Variants in CPNE9 observed in about 807,000 individuals in gnomAD.
CPNE9 encodes the protein copine-9.
A neutral mutation model predicts 83.0 loss-of-function variants in CPNE9; 59 were observed. That is an observed-to-expected ratio of 0.71 (90% CI 0.58 to 0.88). The LOEUF is 0.88. Among genes scored for constraint, CPNE9 ranks in the 40% least tolerant of loss-of-function variants. The pLI, the probability that CPNE9 is intolerant of heterozygous loss-of-function variation, is 0.00. For synonymous variants in CPNE9, 256 were observed against 273.4 expected, an observed-to-expected ratio of 0.94 and a Z score of 0.63; for missense variants, 619 against 720.8, an observed-to-expected ratio of 0.86 and a Z score of 1.62.
chr3:9,724,756 C>G (rs1421542210), intron 17 of CPNE9, among the ~76,000 whole-genome samples: 4 of 151,260 alleles, frequency 2.6e-5, no homozygotes, highest in East Asian at 1.9e-4. Context: ...ATCTATCTAT[C>G]TATCTATCTA....
At chr3:9,722,160 A>ACCCCCCCCCC (rs60666913) in intron 17 of CPNE9, among the ~76,000 whole-genome samples, 1 of 132,036 alleles carries the variant, frequency 7.6e-6, no homozygotes, top group Non-Finnish European at 1.6e-5. Context: ...CAGGTGATCC[A>ACCCCCCCCCC]CCCCCCCCCG....
In CPNE9 at chr3:9,715,543, G is replaced by A. The variant is rs1559640954; in HGVS notation, c.822+17G>A. On this transcript the variant is annotated intron_variant, in intron 13 of 20. Coordinates refer to ENST00000383832, the MANE Select transcript of CPNE9 (RefSeq NM_153635.3). ...TCAGGAACTGTGAGTGCTCCCTAGA[G>A]CCGTGGCCCTCCCTGGATCCTTCCG... The A allele has an allele frequency of 1.2e-6, 2 of 1,608,966 alleles. No individual in the cohort carries two copies. Among genetic ancestry groups the A allele is most frequent in the Non-Finnish European group, 1.7e-6 (2 of 1,175,476 alleles).
intron 20 of CPNE9, 102 bp from the exon 21 acceptor site, chr3:9,729,405 T>C (rs1374430915): frequency 1.4e-6 from 2 of 1,460,626 alleles, no homozygotes; most frequent in Non-Finnish European, 1.8e-6. Flanking sequence ...ACTGTGATAG[T>C]TGGAAAGAGA....
intron 17 of CPNE9, among the ~76,000 whole-genome samples, chr3:9,719,802 G>C (rs2076718445): frequency 6.6e-6 from 1 of 151,928 alleles, no homozygotes; most frequent in South Asian, 2.1e-4. Flanking sequence ...GACCAGCCTG[G>C]CCAAGATGGT....
rs1199086221 is a variant in CPNE9, at chr3:9,725,936, G to C, written c.1242-13G>C. The stretch of plus-strand genomic sequence containing the variant: ...TGGCTTTCAGCTGGATTCTCATTTG[G>C]CCTCTCATCCAGGGCTGCAGCCAAG... On this transcript the variant is annotated splice_polypyrimidine_tract_variant and intron_variant, in intron 17 of 20. Transcript: ENST00000383832. The C allele has an allele frequency of 6.3e-7, 1 of 1,598,834 alleles. No homozygotes were observed. Among genetic ancestry groups the C allele is most frequent in the Non-Finnish European group, 8.6e-7 (1 of 1,166,526 alleles).
chr3:9,713,068 A>T lies in CPNE9; in HGVS notation c.639A>T (p.Gly213=). The T allele has an allele frequency of 6.2e-7, 1 of 1,613,614 alleles. No homozygotes were observed. The highest frequency in any genetic ancestry group is 8.5e-7 in the Non-Finnish European group (1 of 1,179,552). Residue 213 remains glycine (G), a synonymous_variant, in exon 10 of 21, where the codon GGA becomes GGT. Coordinates refer to ENST00000383832, the MANE Select transcript of CPNE9 (RefSeq NM_153635.3). ...FSIPVRALCN[G]DYDRTVKIDV... is the part of the protein sequence containing the mutation. ...TCCCTGTGCGGGCTCTGTGCAATGG[A>T]GACTATGACAGGTTGGCTCCAGCAT...
intron 20 of CPNE9, among the ~76,000 whole-genome samples, chr3:9,729,076 A>G (rs1280096256): frequency 6.6e-6 from 1 of 152,170 alleles, no homozygotes; most frequent in African/African-American, 2.4e-5. Context: ...ACCCAGAGGA[A>G]TGGTGGTGGG....
At chr3:9,709,296 A>G (rs541091808) in intron 7 of CPNE9, among the ~76,000 whole-genome samples, 70 of 150,780 alleles carry the variant, frequency 4.6e-4, no homozygotes, top group African/African-American at 1.6e-3. Flanking sequence ...AAACAAAGAA[A>G]AAAGAAAGAA....
intron 15 of CPNE9, 60 bp downstream of exon 15, chr3:9,717,164 G>C: frequency 6.3e-7 from 1 of 1,578,522 alleles, no homozygotes; most frequent in African/African-American, 1.3e-5. Context: ...GGAGTCATTA[G>C]GAGTTGGCCT....
Position 9,718,178 on chromosome 3 carries a change from C to T in CPNE9, c.1081C>T (p.Pro361Ser). The T allele has an allele frequency of 6.2e-7, 1 of 1,613,522 alleles. No individual in the cohort carries two copies. The highest frequency in any genetic ancestry group is 8.5e-7 in the Non-Finnish European group (1 of 1,179,614). Residue 361 changes from proline (P) to serine (S), a missense_variant, in exon 16 of 21, where the codon CCA (proline) becomes TCA (serine). By Grantham distance (74) the Pro-to-Ser change is moderately conservative. Coordinates refer to ENST00000383832, the MANE Select transcript of CPNE9 (RefSeq NM_153635.3). ...PAYGFGAKLP[P>S]EGRISHQFPL... ...TTATGGCTTTGGGGCCAAGCTGCCC[C>T]CAGAGGGACGGATCTCCCACCAGTT...
At chr3:9,709,405 C>T (rs1416859342) in intron 7 of CPNE9, among the ~76,000 whole-genome samples, 1 of 147,724 alleles carries the variant, frequency 6.8e-6, no homozygotes, top group African/African-American at 2.5e-5. Context: ...ACTCTGTCGC[C>T]CAGGCTGGAG....
At position 9,715,472 on chromosome 3, in the gene CPNE9, G is replaced by A. The variant is rs2076673933; in HGVS notation, c.769-1G>A. On this transcript the variant is annotated splice_acceptor_variant, in intron 12 of 20. Coordinates refer to ENST00000383832, the MANE Select transcript of CPNE9 (RefSeq NM_153635.3). LOFTEE classifies it high-confidence loss of function. Reference sequence around the variant, plus strand: ...TCATCACTGTTACCTCCTCCCCTTAGGTTCTTAACCCTCGGAAGAAATGTA... The same window carrying A: ...TCATCACTGTTACCTCCTCCCCTTAAGTTCTTAACCCTCGGAAGAAATGTA... 6.2e-7 allele frequency: 1 copy of A among 1,613,810 alleles called. No individual in the cohort carries two copies. The highest frequency in any genetic ancestry group is 1.3e-5 in the African/African-American group (1 of 74,906).
chr3:9,716,401 G>T (rs115421966), intron 14 of CPNE9, among the ~76,000 whole-genome samples: 1,903 of 152,212 alleles, frequency 0.013, 21 homozygotes, highest in Middle Eastern at 0.044. Context: ...TGTTTGGTTT[G>T]GTGGAGGCAG....
chr3:9,724,103 G>C (rs897887875), intron 17 of CPNE9, among the ~76,000 whole-genome samples: 1 of 151,796 alleles, frequency 6.6e-6, no homozygotes, highest in African/African-American at 2.4e-5. Flanking sequence ...GACAGCCACA[G>C]CTCCATCCTT....
intron 7 of CPNE9, among the ~76,000 whole-genome samples, chr3:9,710,476 A>G (rs971598221): frequency 1.3e-5 from 2 of 152,092 alleles, no homozygotes; most frequent in African/African-American, 2.4e-5. Flanking sequence ...ATGGGGGAGG[A>G]GGCTTTAGGG....
rs558103280 is a variant in CPNE9, at chr3:9,725,988, T to G, written c.1281T>G (p.Val427=). ...TCTCTGATGGCTCCCAGTACTATGTTCTGCTCATCATCACTGATGGGGTCA... is the reference window on the plus strand; with the variant it reads ...TCTCTGATGGCTCCCAGTACTATGTGCTGCTCATCATCACTGATGGGGTCA... ...AKISDGSQYY[V]LLIITDGVIS... The change falls in exon 18 of 21, where the codon GTT becomes GTG. Residue 427 remains valine, a synonymous_variant. Transcript: ENST00000383832. 9 of 1,613,496 alleles carry G rather than the reference T, an allele frequency of 5.6e-6. No homozygotes were observed. Among genetic ancestry groups the G allele is most frequent in the Admixed American group, 3.3e-5 (2 of 59,964 alleles).
At chr3:9,705,875 A>C (rs1345574399) in intron 6 of CPNE9, 112 bp from the exon 7 acceptor site, 4 of 1,375,428 alleles carry the variant, frequency 2.9e-6, no homozygotes, top group Admixed American at 3.5e-5. Context: ...TGGCTCTTGC[A>C]CCACTCATTC....
intron 17 of CPNE9, among the ~76,000 whole-genome samples, chr3:9,725,280 C>A (rs293780): frequency 0.63 from 95,397 of 151,836 alleles, 31,663 homozygotes; most frequent in African/African-American, 0.86. Flanking sequence ...CATGCCTGTG[C>A]TCCCAGCACT....
At chr3:9,728,547 C>T (rs972721731) in intron 20 of CPNE9, among the ~76,000 whole-genome samples, 14 of 151,978 alleles carry the variant, frequency 9.2e-5, no homozygotes, top group African/African-American at 1.7e-4. Flanking sequence ...CACTTGAACC[C>T]GGGAGGCAGA....
Sources: gnomAD v4.1 joint callset for allele counts (sites outside exome capture counted in the v4.1 genomes callset) on GRCh38, gnomAD v4.1.1 for gene constraint, MANE v1.5 for transcripts, NCBI Gene and HGNC (gene_info 2026-07-23, HGNC 2026-07-21) for gene names.